Variants in MATCAP2 observed in about 807,000 individuals in gnomAD.
MATCAP2 encodes the protein microtubule associated tyrosine carboxypeptidase 2.
At chr7:36,328,058 A>G in the MATCAP2 span, among the ~76,000 whole-genome samples, 9 of 151,950 alleles carry the variant, frequency 5.9e-5, no homozygotes. Context: ...AAGTTCTATA[A>G]ATTATCTTTA....
chr7:36,372,414 A>T, the MATCAP2 span, among the ~76,000 whole-genome samples: 1 of 152,344 alleles, frequency 6.6e-6, no homozygotes, highest in African/African-American at 2.4e-5. Flanking sequence ...TGCTTTCAGG[A>T]TGTCTATATC....
the MATCAP2 span, chr7:36,334,091 A>G: frequency 1.9e-6 from 3 of 1,614,048 alleles, no homozygotes; most frequent in Admixed American, 3.3e-5. Flanking sequence ...GCTTTAGCTC[A>G]TGTTTTTTAC....
At chr7:36,361,495 A>G in the MATCAP2 span, among the ~76,000 whole-genome samples, 1 of 152,222 alleles carries the variant, frequency 6.6e-6, no homozygotes, top group Non-Finnish European at 1.5e-5. Context: ...TTATACCACA[A>G]AACAATAGGT....
chr7:36,344,148 T>G, the MATCAP2 span, among the ~76,000 whole-genome samples: 3 of 151,950 alleles, frequency 2.0e-5, no homozygotes, highest in East Asian at 5.8e-4. Context: ...AAAGAAACAC[T>G]CTCCTCTGAA....
At chr7:36,336,076 A>C in the MATCAP2 span, 4 of 1,124,406 alleles carry the variant, frequency 3.6e-6, no homozygotes, top group South Asian at 9.8e-5. Flanking sequence ...ATTTCAAAAA[A>C]TAAAATAAAT....
chr7:36,384,887 T>A, the MATCAP2 span, among the ~76,000 whole-genome samples: 1 of 151,658 alleles, frequency 6.6e-6, no homozygotes. Flanking sequence ...AGGAAAGTAT[T>A]GTGATGTTAG....
chr7:36,368,665 G>A, the MATCAP2 span, among the ~76,000 whole-genome samples: 2 of 152,154 alleles, frequency 1.3e-5, no homozygotes, highest in Non-Finnish European at 2.9e-5. Context: ...ATGTCACTCT[G>A]TTCAAAATCT....
the MATCAP2 span, among the ~76,000 whole-genome samples, chr7:36,350,520 C>T: frequency 2.1e-5 from 3 of 139,586 alleles, no homozygotes; most frequent in African/African-American, 5.3e-5. Context: ...TTGGCCTGGA[C>T]GGACTGTGTT....
At chr7:36,337,646 CTTA>C in the MATCAP2 span, 23 of 151,078 alleles carry the variant, frequency 1.5e-4, no homozygotes, top group Non-Finnish European at 1.8e-4. Flanking sequence ...GTTTATTACT[CTTA>C]TTATTATTAT....
the MATCAP2 span, among the ~76,000 whole-genome samples, chr7:36,375,628 T>C: frequency 6.6e-6 from 1 of 152,202 alleles, no homozygotes; most frequent in African/African-American, 2.4e-5. Context: ...GGATTCCCTC[T>C]TTTTCTATTG....
At chr7:36,327,490 CAGTT>C in the MATCAP2 span, among the ~76,000 whole-genome samples, 3 of 152,192 alleles carry the variant, frequency 2.0e-5, no homozygotes, top group Admixed American at 6.5e-5. Flanking sequence ...TGAACCTACT[CAGTT>C]TGTCTAAAAA....
the MATCAP2 span, chr7:36,357,202 G>A: frequency 6.2e-7 from 1 of 1,614,120 alleles, no homozygotes; most frequent in Non-Finnish European, 8.5e-7. Context: ...CTGTAACAGA[G>A]ATATCATGTG....
chr7:36,342,181 CTT>C, the MATCAP2 span, among the ~76,000 whole-genome samples: 7 of 142,784 alleles, frequency 4.9e-5, no homozygotes, highest in South Asian at 2.2e-4. Context: ...CTACATAGGT[CTT>C]TTTTTTTTTT....
the MATCAP2 span, among the ~76,000 whole-genome samples, chr7:36,360,531 T>G: frequency 6.6e-6 from 1 of 152,230 alleles, no homozygotes; most frequent in Admixed American, 6.5e-5. Context: ...TTTACAAATG[T>G]CAATCCTGTT....
At chr7:36,355,133 G>A in the MATCAP2 span, 1 of 152,118 alleles carries the variant, frequency 6.6e-6, no homozygotes, top group Non-Finnish European at 1.5e-5. Flanking sequence ...TTGTTCAATC[G>A]ACTACAATTT....
chr7:36,326,963 G>GT, the MATCAP2 span: 1 of 1,513,462 alleles, frequency 6.6e-7, no homozygotes, highest in South Asian at 1.2e-5. Flanking sequence ...TAACTACAAT[G>GT]TACATTTTAA....
At chr7:36,336,864 G>GC in the MATCAP2 span, among the ~76,000 whole-genome samples, 1 of 151,810 alleles carries the variant, frequency 6.6e-6, no homozygotes, top group Non-Finnish European at 1.5e-5. Flanking sequence ...GGAGGCTGAG[G>GC]CAGGCGGATC....
the MATCAP2 span, chr7:36,389,845 G>T: frequency 2.6e-6 from 3 of 1,143,314 alleles, no homozygotes; most frequent in South Asian, 2.9e-5. Context: ...ATTCAAATTT[G>T]AACGGCTGCA....
At chr7:36,330,774 C>T in the MATCAP2 span, among the ~76,000 whole-genome samples, 1 of 152,144 alleles carries the variant, frequency 6.6e-6, no homozygotes, top group South Asian at 2.1e-4. Context: ...ATTTCCTATT[C>T]CTTTATCTCT....
Sources: gnomAD v4.1 joint callset for allele counts (sites outside exome capture counted in the v4.1 genomes callset) on GRCh38, gnomAD v4.1.1 for gene constraint, MANE v1.5 for transcripts, NCBI Gene and HGNC (gene_info 2026-07-23, HGNC 2026-07-21) for gene names.